Variants in LCOR observed in about 807,000 individuals in gnomAD.
LCOR encodes ligand-dependent corepressor.
A neutral mutation model predicts 64.4 loss-of-function variants in LCOR; 14 were observed. The ratio of observed to expected loss-of-function variants is 0.22; its 90% CI spans 0.14 to 0.34. LCOR has a LOEUF of 0.34. Among genes scored for constraint, LCOR ranks in the 10% least tolerant of loss-of-function variants. The probability of loss-of-function intolerance (pLI) is 1.00; values close to 1 mark genes in which losing one functional copy is unlikely to be tolerated. For missense variants in LCOR, 1,686 were observed against 1,765.3 expected (o/e 0.96, Z 0.80); for synonymous variants, 643 against 642.5 (o/e 1.00, Z -0.01).
At position 96,837,854 on chromosome 10, in the gene LCOR, C is replaced by A. The variant is rs191867347; in HGVS notation, c.-330+4375C>A. On this transcript the variant is annotated intron_variant, in intron 2 of 7. Transcript: ENST00000421806. ...CTCAGTAGAGGGGCTTGATTTGTTT[C>A]GATGTGCCTCTGAACCTCTCTCTTA... Among the ~76,000 whole-genome samples, 259 of 152,294 alleles carry A rather than the reference C, an allele frequency of 1.7e-3. 6 individuals carry two copies. The highest frequency in any genetic ancestry group is 2.3e-3 in the East Asian group (12 of 5,190).
Position 96,855,609 on chromosome 10 carries a change from T to C in LCOR, c.-330+22130T>C, listed in dbSNP as rs1845790050. On this transcript the variant is annotated intron_variant, in intron 2 of 7. Transcript: ENST00000421806. ...ACCACCATACTTGGCTAATGTTTTA[T>C]ATTTTTAGTAGAGACGGGGTTTCAC... 2.6e-5 allele frequency among the ~76,000 whole-genome samples: 4 copies of C among 151,954 alleles called. No individual in the cohort carries two copies. The South Asian group carries it at 8.3e-4, about 32-fold the overall frequency.
At chr10:96,944,418 C>T (rs1379239417) in intron 5 of LCOR, among the ~76,000 whole-genome samples, 173 bp downstream of exon 5, 1 of 151,810 alleles carries the variant, frequency 6.6e-6, no homozygotes, top group Non-Finnish European at 1.5e-5. Context: ...TTAAGGAAAC[C>T]CTGTTCCCCA....
At chr10:96,951,107 A>G (rs961472737) in intron 6 of LCOR, among the ~76,000 whole-genome samples, 1 of 152,116 alleles carries the variant, frequency 6.6e-6, no homozygotes, top group African/African-American at 2.4e-5. Flanking sequence ...ACACAACTAG[A>G]TAGCACGACC....
Position 96,948,952 on chromosome 10 carries a change from GCTGT to G in LCOR, c.-50-53_-50-50del, listed in dbSNP as rs1312556059. On this transcript the variant is annotated intron_variant, in intron 5 of 7. Coordinates refer to ENST00000421806, the MANE Select transcript of LCOR (RefSeq NM_001346516.2). ...AATGAAATTTTATGTTTACTTGAAA[GCTGT>G]CTTTTTTAGTACATTGTCCCACTTT... The G allele has an allele frequency of 7.8e-6, 10 of 1,283,100 alleles. No individual in the cohort carries two copies. The African/African-American group carries it at 9.0e-5, about 12-fold the overall frequency. 79.5% of individuals were successfully genotyped at this position (1,283,100 alleles called of 1,614,324 possible). A position where few individuals can be genotyped will look rare whatever the true frequency, so the allele number is the denominator to read the frequency against.
rs184470901 is a variant in LCOR, at chr10:96,882,882, G to A, written c.-329-24383G>A. 4.6e-5 allele frequency among the ~76,000 whole-genome samples: 7 copies of A among 152,000 alleles called. No homozygotes were observed. The East Asian group carries it at 9.7e-4, about 21-fold the overall frequency. Reference sequence around the variant, plus strand: ...ACTTAGTAATACACTTCTTTAATGCGTATTACTCCATGTCTCTTTATGGCT... The same window carrying A: ...ACTTAGTAATACACTTCTTTAATGCATATTACTCCATGTCTCTTTATGGCT... On this transcript the variant is annotated intron_variant, in intron 2 of 7. Coordinates refer to ENST00000421806, the MANE Select transcript of LCOR (RefSeq NM_001346516.2).
intron 6 of LCOR, 56 bp downstream of exon 6, chr10:96,949,351 G>GA (rs562229779): frequency 6.4e-3 from 8,261 of 1,282,204 alleles, no homozygotes; most frequent in Non-Finnish European, 7.4e-3. Context: ...ACTTTGGGGA[G>GA]AAAAAAAAAA....
At position 96,981,359 on chromosome 10, in the gene LCOR, A is replaced by T; in HGVS notation, c.899A>T (p.Asn300Ile). The change falls in exon 8 of 8, where the codon AAT (asparagine) becomes ATT (isoleucine). Residue 300 changes from asparagine (N) to isoleucine (I), a missense_variant. Asn to Ile is a moderately radical substitution (Grantham distance 149). Coordinates refer to ENST00000421806, the MANE Select transcript of LCOR (RefSeq NM_001346516.2). ...ACCACTGGACAAGAGCAAGACACAA[A>T]TGTGAACATATGTGAGGATGGTAAA... ...GQTTGQEQDT[N>I]VNICEDGKDH... 1 of 1,614,022 alleles carries T rather than the reference A, an allele frequency of 6.2e-7. No individual in the cohort carries two copies. The highest frequency in any genetic ancestry group is 8.5e-7 in the Non-Finnish European group (1 of 1,180,004).
rs1388544120 is a variant in LCOR, at chr10:96,920,792, G to GCA, written c.-184+13046_-184+13047insAC. ...CACACACACACACACACACACACAC[G>GCA]CGCGGTGGGGGGGTGGTGGGCGGGA... is the stretch of plus-strand genomic sequence containing the variant. On this transcript the variant is annotated intron_variant, in intron 4 of 7. Transcript: ENST00000421806. Among the ~76,000 whole-genome samples, 5 of 123,960 alleles carry GCA rather than the reference G, an allele frequency of 4.0e-5. 1 individual carries two copies. In the East Asian group the frequency reaches 6.6e-4, roughly 16 times the overall value. The allele number at this position is 123,960 out of a possible 152,430, so 81.3% of individuals were successfully genotyped here.
At chr10:96,973,534 G>T (rs1017206715) in intron 7 of LCOR, among the ~76,000 whole-genome samples, 1 of 152,192 alleles carries the variant, frequency 6.6e-6, no homozygotes, top group Non-Finnish European at 1.5e-5. Flanking sequence ...AGGAGAAGAA[G>T]TGAGTAAACT....
chr10:96,938,373 TA>T (rs2134501317), intron 4 of LCOR, among the ~76,000 whole-genome samples: 1 of 152,098 alleles, frequency 6.6e-6, no homozygotes, highest in South Asian at 2.1e-4. Flanking sequence ...TTTCTTGATG[TA>T]AAAACAAACA....
intron 4 of LCOR, among the ~76,000 whole-genome samples, chr10:96,933,011 C>T (rs765312294): frequency 4.4e-4 from 67 of 152,128 alleles, no homozygotes; most frequent in Non-Finnish European, 2.5e-4. Flanking sequence ...AAATAAAAAA[C>T]TGGTCTAATT....
At chr10:96,855,175 A>G (rs1343072319) in intron 2 of LCOR, among the ~76,000 whole-genome samples, 2 of 152,154 alleles carry the variant, frequency 1.3e-5, no homozygotes, top group Admixed American at 1.3e-4. Flanking sequence ...TCTCTAGGGT[A>G]GCTAAGCTAA....
chr10:96,988,934 T>G lies in LCOR; in HGVS notation c.*3800T>G, dbSNP rs1226130740. On this transcript the variant is annotated 3_prime_UTR_variant, in exon 8 of 8. Coordinates refer to ENST00000421806, the MANE Select transcript of LCOR (RefSeq NM_001346516.2). ...TGAGTAGCTGCGGCAGAGACCCGTG[T>G]GGCCCTTACAGCCTAAGATACTATC... 1 of 152,254 alleles carries G rather than the reference T, an allele frequency of 6.6e-6. No homozygotes were observed. The highest frequency in any genetic ancestry group is 1.5e-5 in the Non-Finnish European group (1 of 68,042). 9.4% of individuals were successfully genotyped at this position (152,254 alleles called of 1,614,324 possible).
Position 96,873,571 on chromosome 10 carries a change from CGTGTGTGTGTGTGT to C in LCOR, c.-329-33661_-329-33648del, listed in dbSNP as rs55893181. Among the ~76,000 whole-genome samples the C allele has an allele frequency of 2.0e-3, 254 of 126,372 alleles. 2 individuals are homozygous for C. Among genetic ancestry groups the C allele is most frequent in the African/African-American group, 5.3e-3 (187 of 35,616 alleles). The allele number at this position is 126,372 out of a possible 152,430, so 82.9% of individuals were successfully genotyped here. Reference sequence around the variant, plus strand: ...TTGTTTTTCGATACACACACACACACGTGTGTGTGTGTGTGTGTGTGTGTGTGTGTGTGTGTGTG... The same window carrying C: ...TTGTTTTTCGATACACACACACACACGTGTGTGTGTGTGTGTGTGTGTGTG... On this transcript the variant is annotated intron_variant, in intron 2 of 7. Coordinates refer to ENST00000421806, the MANE Select transcript of LCOR (RefSeq NM_001346516.2).
At chr10:96,941,403 G>A (rs1365852243) in intron 4 of LCOR, among the ~76,000 whole-genome samples, 8 of 144,792 alleles carry the variant, frequency 5.5e-5, no homozygotes, top group Middle Eastern at 4.0e-3. Context: ...GCGGCTGGCC[G>A]GGCAGGGGGC....
chr10:96,879,255 C>T (rs550626057), intron 2 of LCOR, among the ~76,000 whole-genome samples: 7 of 152,244 alleles, frequency 4.6e-5, no homozygotes, highest in Admixed American at 4.6e-4. Flanking sequence ...AAGGAACTTG[C>T]CCAAGACCAC....
At chr10:96,942,720 T>C (rs982612047) in intron 4 of LCOR, among the ~76,000 whole-genome samples, 2 of 152,162 alleles carry the variant, frequency 1.3e-5, no homozygotes, top group African/African-American at 4.8e-5. Flanking sequence ...TATCAGTGGG[T>C]ATTTTTTTAA....
intron 2 of LCOR, among the ~76,000 whole-genome samples, chr10:96,843,054 T>C (rs998212212): frequency 2.6e-5 from 4 of 152,240 alleles, no homozygotes; most frequent in Admixed American, 1.3e-4. Context: ...CGTTTTTTTA[T>C]TGTTGCCATT....
intron 7 of LCOR, among the ~76,000 whole-genome samples, chr10:96,968,368 A>C (rs368131115): frequency 6.6e-6 from 1 of 152,232 alleles, no homozygotes; most frequent in African/African-American, 2.4e-5. Context: ...GGGATTGTAC[A>C]TACTAATAAT....
Sources: allele counts gnomAD v4.1 joint callset (sites outside exome capture counted in the v4.1 genomes callset), GRCh38; gene constraint gnomAD v4.1.1; transcripts MANE v1.5; gene names NCBI Gene and HGNC (gene_info 2026-07-23, HGNC 2026-07-21).